The following GABRG3 variants were observed in gnomAD, a reference collection of about 807,000 sequenced individuals.
GABRG3 encodes the protein gamma-aminobutyric acid receptor subunit gamma-3.
In GABRG3, 25 loss-of-function variants were observed where a neutral mutation model predicts 48.8. That is an observed-to-expected ratio of 0.51 (90% CI 0.37 to 0.72). The LOEUF (loss-of-function observed/expected upper bound fraction) is 0.72. Among genes scored for constraint, GABRG3 ranks in the 30% least tolerant of loss-of-function variants. GABRG3 has a pLI of 0.00. For synonymous variants in GABRG3, 227 were observed against 217.6 expected (o/e 1.04, Z -0.38); for missense variants, 394 against 577.9 (o/e 0.68, Z 3.26).
chr15:27,323,921 C>T (rs1893517397), intron 3 of GABRG3, among the ~76,000 whole-genome samples: 2 of 152,306 alleles, frequency 1.3e-5, no homozygotes, highest in South Asian at 2.1e-4. Context: ...GCAGGTCCCA[C>T]ATGGGCTCTT....
intron 3 of GABRG3, among the ~76,000 whole-genome samples, chr15:27,051,526 G>T (rs1211505593): frequency 6.6e-6 from 1 of 152,162 alleles, no homozygotes; most frequent in Non-Finnish European, 1.5e-5. Context: ...GAGGGTGGAG[G>T]CCCCACACAT....
chr15:27,452,008 ACTTTT>A (rs1421530570), intron 5 of GABRG3, among the ~76,000 whole-genome samples: 1 of 152,186 alleles, frequency 6.6e-6, no homozygotes, highest in African/African-American at 2.4e-5. Context: ...TATTCTTATA[ACTTTT>A]CTTAAGCCTA....
rs371189187 is a variant in GABRG3, at chr15:27,217,068, G to A, written c.271-109741G>A. Reference sequence around the variant, plus strand: ...TTGCGATAGTTTACTGAGAATGATGGTTTCCAATTTCATCCACGTCCCTAC... The same window carrying A: ...TTGCGATAGTTTACTGAGAATGATGATTTCCAATTTCATCCACGTCCCTAC... On this transcript the variant is annotated intron_variant, in intron 3 of 9. Coordinates refer to ENST00000615808, the MANE Select transcript of GABRG3 (RefSeq NM_033223.5). 7.4e-5 allele frequency among the ~76,000 whole-genome samples: 11 copies of A among 149,248 alleles called. No individual in the cohort carries two copies. The South Asian group carries it at 8.8e-4, about 12-fold the overall frequency.
chr15:27,114,609 T>G (rs1193036890), intron 3 of GABRG3, among the ~76,000 whole-genome samples: 1 of 152,216 alleles, frequency 6.6e-6, no homozygotes, highest in East Asian at 1.9e-4. Flanking sequence ...AATGTTGACT[T>G]GAAAAATAGT....
At chr15:27,361,806 C>T (rs921904933) in intron 5 of GABRG3, among the ~76,000 whole-genome samples, 4 of 152,186 alleles carry the variant, frequency 2.6e-5, no homozygotes, top group South Asian at 2.1e-4. Flanking sequence ...CAGAACACGA[C>T]GTGTCAATTA....
rs1476764461 is a variant in GABRG3 at position 27,248,833 on chromosome 15, G to C, written c.271-77976G>C. Among the ~76,000 whole-genome samples, 5 of 149,644 alleles carry C rather than the reference G, an allele frequency of 3.3e-5. No homozygotes were observed. The South Asian group carries it at 1.1e-3, about 32-fold the overall frequency. On this transcript the variant is annotated intron_variant, in intron 3 of 9. Coordinates refer to ENST00000615808, the MANE Select transcript of GABRG3 (RefSeq NM_033223.5). ...AGAGAGAGAGAGAGAGAGAGAGAGA[G>C]AGACAGAGAGAAGCTGCTGTGGCTC...
chr15:27,301,877 T>A (rs1892220160), intron 3 of GABRG3, among the ~76,000 whole-genome samples: 1 of 152,006 alleles, frequency 6.6e-6, no homozygotes, highest in South Asian at 2.1e-4. Context: ...GGCTTTCTCA[T>A]CAGAAACCAT....
intron 5 of GABRG3, among the ~76,000 whole-genome samples, chr15:27,418,597 G>A (rs79975742): frequency 2.6e-5 from 4 of 152,190 alleles, no homozygotes; most frequent in Admixed American, 2.6e-4. Flanking sequence ...CACCGGTGAG[G>A]CTTTTGCCTG....
chr15:27,264,261 AAAAAT>A (rs1259369681), intron 3 of GABRG3, among the ~76,000 whole-genome samples: 1 of 152,094 alleles, frequency 6.6e-6, no homozygotes, highest in African/African-American at 2.4e-5. Context: ...TTCAAAAAAT[AAAAAT>A]AAAAAAAAAT....
chr15:26,972,359 G>A (rs562911656), intron 1 of GABRG3, among the ~76,000 whole-genome samples: 1 of 152,332 alleles, frequency 6.6e-6, no homozygotes, highest in East Asian at 1.9e-4. Flanking sequence ...GAGGGCGCAT[G>A]AGGATACAAG....
At chr15:27,109,240 A>G (rs1897502396) in intron 3 of GABRG3, among the ~76,000 whole-genome samples, 2 of 152,156 alleles carry the variant, frequency 1.3e-5, no homozygotes, top group South Asian at 4.1e-4. Flanking sequence ...GTTTACAGAG[A>G]GTTCCCATAG....
rs181192330 is a variant in GABRG3, at chr15:27,181,731, T to C, written c.271-145078T>C. On this transcript the variant is annotated intron_variant, in intron 3 of 9. Coordinates refer to ENST00000615808, the MANE Select transcript of GABRG3 (RefSeq NM_033223.5). ...ATGTAAGCATTCCTGTGAGTGATGG[T>C]AGGAAAACAGCAGTGGACAAAAGAT... 3.0e-3 allele frequency among the ~76,000 whole-genome samples: 458 copies of C among 152,216 alleles called. 3 individuals are homozygous for C. Among genetic ancestry groups the C allele is most frequent in the African/African-American group, 0.01 (432 of 41,540 alleles).
At chr15:27,460,186 C>T (rs987032948) in intron 5 of GABRG3, among the ~76,000 whole-genome samples, 2 of 152,140 alleles carry the variant, frequency 1.3e-5, no homozygotes, top group African/African-American at 4.8e-5. Flanking sequence ...ATATTTTTGT[C>T]CAACAACAAC....
rs146365623 is a variant in GABRG3 at position 27,388,022 on chromosome 15, G to A, written c.574+59134G>A. 2.9e-3 allele frequency among the ~76,000 whole-genome samples: 345 copies of A among 118,516 alleles called. 2 individuals are homozygous for A. Among genetic ancestry groups the A allele is most frequent in the South Asian group, 6.2e-3 (18 of 2,920 alleles). The allele number at this position is 118,516 out of a possible 152,430, so 77.8% of individuals were successfully genotyped here. On this transcript the variant is annotated intron_variant, in intron 5 of 9. Coordinates refer to ENST00000615808, the MANE Select transcript of GABRG3 (RefSeq NM_033223.5). ...AGGAAGGAAGGAAGGAAAGGGAGGA[G>A]GGAGGGAGGAAAGGAAGGAAGGAAG...
At chr15:27,463,536 C>T (rs958515399) in intron 5 of GABRG3, among the ~76,000 whole-genome samples, 1 of 152,148 alleles carries the variant, frequency 6.6e-6, no homozygotes, top group Non-Finnish European at 1.5e-5. Flanking sequence ...CGGCTGATTC[C>T]AAGACCCTGG....
intron 3 of GABRG3, among the ~76,000 whole-genome samples, chr15:27,110,631 C>T (rs2140370268): frequency 6.6e-6 from 1 of 151,914 alleles, no homozygotes; most frequent in East Asian, 1.9e-4. Flanking sequence ...TTTTTGGAAG[C>T]ACAGTTTCAC....
At chr15:27,044,197 G>A (rs1393205438) in intron 3 of GABRG3, among the ~76,000 whole-genome samples, 1 of 152,168 alleles carries the variant, frequency 6.6e-6, no homozygotes, top group African/African-American at 2.4e-5. Flanking sequence ...TGTGCTGGGA[G>A]GATATACTCA....
chr15:27,184,209 A>ATGT (rs1888021477), intron 3 of GABRG3, among the ~76,000 whole-genome samples: 1 of 152,206 alleles, frequency 6.6e-6, no homozygotes, highest in Non-Finnish European at 1.5e-5. Flanking sequence ...TGGGAAACTA[A>ATGT]TGATAGATCA....
In GABRG3 at chr15:27,457,312, G is replaced by A. The variant is rs533161840; in HGVS notation, c.575-23338G>A. 1.3e-5 allele frequency among the ~76,000 whole-genome samples: 2 copies of A among 152,286 alleles called. No homozygotes were observed. Among genetic ancestry groups the A allele is most frequent in the Admixed American group, 1.3e-4 (2 of 15,306 alleles). ...CATCTCACAGGAAGGAGGCTTGGAAGATATTTGGACTAAGTCCTTGCTAGC... is the reference window on the plus strand; with the variant it reads ...CATCTCACAGGAAGGAGGCTTGGAAAATATTTGGACTAAGTCCTTGCTAGC... On this transcript the variant is annotated intron_variant, in intron 5 of 9. Coordinates refer to ENST00000615808, the MANE Select transcript of GABRG3 (RefSeq NM_033223.5). The surrounding 1 kb of genome is among the most constrained non-coding windows in gnomAD (Gnocchi z 4.4).
Sources: allele counts gnomAD v4.1 joint callset (sites outside exome capture counted in the v4.1 genomes callset), GRCh38; gene constraint gnomAD v4.1.1; non-coding constraint Gnocchi (gnomAD v3.1); transcripts MANE v1.5; gene names NCBI Gene and HGNC (gene_info 2026-07-23, HGNC 2026-07-21).